CACUL1: variants seen among roughly 807,000 people sequenced by gnomAD.
CACUL1 encodes CDK2-associated and cullin domain-containing protein 1.
A neutral mutation model predicts 45.2 loss-of-function variants in CACUL1; 13 were observed. That is an observed-to-expected ratio of 0.29 (90% confidence interval 0.19 to 0.46). The LOEUF (loss-of-function observed/expected upper bound fraction) is 0.46. Ranked by LOEUF, CACUL1 falls within the 20% of genes least tolerant of loss-of-function variation. The pLI, the probability that CACUL1 is intolerant of heterozygous loss-of-function variation, is 1.00. For missense variants in CACUL1, 421 were observed against 471.4 expected (o/e 0.89, Z 0.99); for synonymous variants, 197 against 174.2 (o/e 1.13, Z -1.03).
intron 3 of CACUL1, among the ~76,000 whole-genome samples, chr10:118,712,503 C>T (rs1048611751): frequency 1.6e-4 from 25 of 152,232 alleles, no homozygotes; most frequent in African/African-American, 6.0e-4. Context: ...CCTTGCCATT[C>T]AGTGGGTCCT....
intron 3 of CACUL1, among the ~76,000 whole-genome samples, chr10:118,723,031 C>A (rs535423466): frequency 3.9e-5 from 6 of 152,268 alleles, no homozygotes; most frequent in African/African-American, 1.4e-4. Context: ...AGACACAGTG[C>A]CCATGGGGTA....
At chr10:118,693,100 G>C (rs1203279559) in intron 6 of CACUL1, 1 of 152,218 alleles carries the variant, frequency 6.6e-6, no homozygotes, top group Non-Finnish European at 1.5e-5. Context: ...TAGGATTGCT[G>C]GAACTATTTC....
In CACUL1 at chr10:118,677,416, G is replaced by A. The variant is rs1211763897; in HGVS notation, c.*8712C>T. ...ATACATTAACTCAGAGAACTGGCATGTTTAGAATGGTCCAAACGTTCATAT... is the reference window on the plus strand; with the variant it reads ...ATACATTAACTCAGAGAACTGGCATATTTAGAATGGTCCAAACGTTCATAT... On this transcript the variant is annotated 3_prime_UTR_variant, in exon 9 of 9. Coordinates refer to ENST00000369151, the MANE Select transcript of CACUL1 (RefSeq NM_153810.5). The A allele has an allele frequency of 6.6e-6, 1 of 152,140 alleles. No individual in the cohort carries two copies. Among genetic ancestry groups the A allele is most frequent in the Non-Finnish European group, 1.5e-5 (1 of 68,026 alleles). 9.4% of individuals were successfully genotyped at this position (152,140 alleles called of 1,614,324 possible). A position where few individuals can be genotyped will look rare whatever the true frequency, so the allele number is the denominator to read the frequency against.
chr10:118,754,729 T>C lies in CACUL1; in HGVS notation c.34A>G (p.Ser12Gly). 1.2e-6 allele frequency: 2 copies of C among 1,602,374 alleles called. No homozygotes were observed. The highest frequency in any genetic ancestry group is 8.5e-7 in the Non-Finnish European group (1 of 1,175,650). ...EESMEEEEGGSYEAMMDDQNH... is the reference protein window; with the variant it reads ...EESMEEEEGGGYEAMMDDQNH... ...TGGTCGTCCATCATCGCCTCGTAGC[T>C]GCCCCCCTCCTCCTCTTCCATGCTT... is the stretch of plus-strand genomic sequence containing the variant. Residue 12 changes from serine (S) to glycine (G), a missense_variant, in exon 1 of 9, where the codon AGC (serine) becomes GGC (glycine). Ser to Gly is a moderately conservative substitution (Grantham distance 56). Coordinates refer to ENST00000369151, the MANE Select transcript of CACUL1 (RefSeq NM_153810.5).
chr10:118,712,580 T>C (rs1427789973), intron 3 of CACUL1, among the ~76,000 whole-genome samples: 1 of 152,168 alleles, frequency 6.6e-6, no homozygotes, highest in Non-Finnish European at 1.5e-5. Context: ...AAAGAGGAGC[T>C]TCACTGAGCA....
intron 8 of CACUL1, 29 bp downstream of exon 8, chr10:118,686,569 T>A: frequency 2.5e-6 from 4 of 1,571,136 alleles, no homozygotes; most frequent in Non-Finnish European, 3.5e-6. Flanking sequence ...CACAGAACCA[T>A]CAAGATGGGA....
chr10:118,730,938 A>C (rs537943327), intron 1 of CACUL1, among the ~76,000 whole-genome samples: 68 of 152,332 alleles, frequency 4.5e-4, no homozygotes, highest in African/African-American at 1.6e-3. Flanking sequence ...ATTTACAACA[A>C]CACCAGCACC....
At chr10:118,698,968 C>G (rs1301595005) in intron 5 of CACUL1, among the ~76,000 whole-genome samples, 1 of 152,128 alleles carries the variant, frequency 6.6e-6, no homozygotes, top group Non-Finnish European at 1.5e-5. Flanking sequence ...TAAGTAGAAA[C>G]GACATTAATA....
chr10:118,710,317 G>C (rs1288427068), intron 3 of CACUL1, among the ~76,000 whole-genome samples: 5 of 152,070 alleles, frequency 3.3e-5, no homozygotes, highest in African/African-American at 1.2e-4. Context: ...ATAGTCACCT[G>C]TCTACAGTTC....
intron 1 of CACUL1, among the ~76,000 whole-genome samples, chr10:118,753,587 A>C (rs529436303): frequency 6.6e-6 from 1 of 152,256 alleles, no homozygotes; most frequent in African/African-American, 2.4e-5. Context: ...GGAAGCATAC[A>C]TATATCCTGG....
Position 118,754,911 on chromosome 10 carries a change from T to C in CACUL1, c.-149A>G. ...GGCTGCGGTGCGCAGGGTCTCTCGCTCTCCGCGGGGCCGACTAGCTTGAAG... is the reference window on the plus strand; with the variant it reads ...GGCTGCGGTGCGCAGGGTCTCTCGCCCTCCGCGGGGCCGACTAGCTTGAAG... On this transcript the variant is annotated 5_prime_UTR_variant, in exon 1 of 9. Transcript: ENST00000369151. The C allele has an allele frequency of 8.8e-7, 1 of 1,135,210 alleles. No individual in the cohort carries two copies. Among genetic ancestry groups the C allele is most frequent in the South Asian group, 1.7e-5 (1 of 58,192 alleles). The allele number at this position is 1,135,210 out of a possible 1,614,324, so 70.3% of individuals were successfully genotyped here.
At chr10:118,719,498 G>A (rs758784287) in intron 3 of CACUL1, among the ~76,000 whole-genome samples, 1 of 152,148 alleles carries the variant, frequency 6.6e-6, no homozygotes, top group Non-Finnish European at 1.5e-5. Context: ...ACTGGAAGCT[G>A]ACAAAGACGC....
intron 5 of CACUL1, 41 bp from the exon 6 acceptor site, chr10:118,695,271 T>C (rs772340882): frequency 1.5e-5 from 17 of 1,100,032 alleles, no homozygotes; most frequent in Middle Eastern, 3.9e-4. Flanking sequence ...TAACACATAT[T>C]GACTGTCAAG....
At chr10:118,686,527 T>G (rs1845207854) in intron 8 of CACUL1, 71 bp downstream of exon 8, 71 of 1,115,924 alleles carry the variant, frequency 6.4e-5, no homozygotes, top group Non-Finnish European at 8.7e-5. Context: ...AATGCACTGT[T>G]ATCACAGTGC....
At chr10:118,710,090 ATT>A (rs113369997) in intron 3 of CACUL1, among the ~76,000 whole-genome samples, 10 of 139,910 alleles carry the variant, frequency 7.1e-5, no homozygotes, top group South Asian at 2.3e-4. Flanking sequence ...TTTGTTTGGG[ATT>A]TTTTTTTTTT....
intron 3 of CACUL1, among the ~76,000 whole-genome samples, chr10:118,723,462 AT>A (rs1344324816): frequency 2.6e-5 from 4 of 152,048 alleles, no homozygotes; most frequent in Non-Finnish European, 4.4e-5. Flanking sequence ...ACACTTGCAT[AT>A]TTTCCCTTCT....
intron 1 of CACUL1, among the ~76,000 whole-genome samples, chr10:118,745,803 C>G (rs1475861407): frequency 6.6e-6 from 1 of 151,720 alleles, no homozygotes; most frequent in Non-Finnish European, 1.5e-5. Context: ...ATACATTATG[C>G]AAACAATAAC....
intron 7 of CACUL1, among the ~76,000 whole-genome samples, chr10:118,688,451 G>A (rs1212246125): frequency 6.6e-6 from 1 of 152,090 alleles, no homozygotes; most frequent in South Asian, 2.1e-4. Context: ...TTCCTCAAAG[G>A]TTAAATAAAA....
At chr10:118,690,806 G>A (rs376387097) in intron 7 of CACUL1, among the ~76,000 whole-genome samples, 5 of 152,214 alleles carry the variant, frequency 3.3e-5, no homozygotes, top group African/African-American at 1.2e-4. Context: ...AGCACTTTGG[G>A]AGGCCTAGGC....
Sources: gnomAD v4.1 joint callset for allele counts (sites outside exome capture counted in the v4.1 genomes callset) on GRCh38, gnomAD v4.1.1 for gene constraint, MANE v1.5 for transcripts, NCBI Gene and HGNC (gene_info 2026-07-23, HGNC 2026-07-21) for gene names.